Variants in GRID2 observed in about 807,000 individuals in gnomAD.
GRID2 encodes glutamate ionotropic receptor delta type subunit 2.
GRID2 carries 33 observed loss-of-function variants against 114.8 expected under a neutral mutation model. That is an observed-to-expected ratio of 0.29 (90% CI 0.22 to 0.38). GRID2 has a LOEUF of 0.38. Ranked by LOEUF, GRID2 falls within the 10% of genes least tolerant of loss-of-function variation. The pLI is 1.00. For missense variants in GRID2, 1,184 were observed against 1,257.7 expected, an observed-to-expected ratio of 0.94 and a Z score of 0.89; for synonymous variants, 505 against 449.9, an observed-to-expected ratio of 1.12 and a Z score of -1.55.
chr4:93,082,673 T>C (rs1011603463), intron 2 of GRID2, among the ~76,000 whole-genome samples: 3 of 152,212 alleles, frequency 2.0e-5, no homozygotes, highest in Admixed American at 6.5e-5. Context: ...ATTATATGCT[T>C]TCTGGCTGCA....
intron 8 of GRID2, 48 bp from the exon 9 acceptor site, chr4:93,395,559 G>A (rs1181928275): frequency 2.5e-6 from 2 of 815,776 alleles, no homozygotes; most frequent in Non-Finnish European, 4.4e-6. Context: ...AGAGGTGATG[G>A]GACTGTTCTT....
chr4:92,529,524 A>G (rs1725225813), intron 1 of GRID2, among the ~76,000 whole-genome samples: 1 of 152,108 alleles, frequency 6.6e-6, no homozygotes, highest in African/African-American at 2.4e-5. Context: ...AGGAATTATC[A>G]GGTACAAAGA....
At chr4:93,090,320 G>A (rs923084652) in intron 3 of GRID2, among the ~76,000 whole-genome samples, 9 of 152,144 alleles carry the variant, frequency 5.9e-5, no homozygotes, top group African/African-American at 2.2e-4. Context: ...AAGCCAGGCG[G>A]CTCTCTCCTT....
At chr4:93,392,415 T>G (rs1315877083) in intron 8 of GRID2, among the ~76,000 whole-genome samples, 2 of 152,188 alleles carry the variant, frequency 1.3e-5, no homozygotes, top group Non-Finnish European at 2.9e-5. Flanking sequence ...ATGCCTGTCA[T>G]TCTTGCTATG....
intron 2 of GRID2, among the ~76,000 whole-genome samples, chr4:92,972,721 C>A (rs1051052893): frequency 6.6e-6 from 1 of 151,774 alleles, no homozygotes; most frequent in Non-Finnish European, 1.5e-5. Flanking sequence ...AAGCCTAGTA[C>A]CCACTGGTTA....
intron 1 of GRID2, among the ~76,000 whole-genome samples, chr4:92,415,755 TATATATATATATATATATATATATATCAC>T (rs1374193670): frequency 7.9e-6 from 1 of 125,832 alleles, no homozygotes; most frequent in East Asian, 2.4e-4. Context: ...TATATATATA[TATATATATATATATATATATATATATCAC>T]ATTTTCTTTA....
chr4:93,061,918 G>A (rs1057175043), intron 2 of GRID2, among the ~76,000 whole-genome samples: 1 of 151,884 alleles, frequency 6.6e-6, no homozygotes, highest in African/African-American at 2.4e-5. Context: ...TCACAAATAG[G>A]GCTTACTTAC....
intron 12 of GRID2, among the ~76,000 whole-genome samples, chr4:93,506,482 C>T (rs1355661231): frequency 1.3e-5 from 2 of 152,114 alleles, no homozygotes. Flanking sequence ...AATAGACACT[C>T]TAAAGGAGTT....
chr4:93,109,915 T>C (rs950239609), intron 3 of GRID2, among the ~76,000 whole-genome samples: 1 of 152,150 alleles, frequency 6.6e-6, no homozygotes, highest in African/African-American at 2.4e-5. Context: ...ATAAACTCTT[T>C]AGATTGAATT....
At chr4:93,397,289 A>C (rs1765422905) in intron 9 of GRID2, among the ~76,000 whole-genome samples, 1 of 152,018 alleles carries the variant, frequency 6.6e-6, no homozygotes, top group Non-Finnish European at 1.5e-5. Context: ...TTCACAACTT[A>C]AATGTGAATT....
intron 1 of GRID2, among the ~76,000 whole-genome samples, chr4:92,453,939 C>T (rs1283111213): frequency 2.0e-5 from 3 of 152,080 alleles, no homozygotes; most frequent in African/African-American, 7.2e-5. Flanking sequence ...GACAATATTA[C>T]AAAACTGAAT....
intron 1 of GRID2, among the ~76,000 whole-genome samples, chr4:92,325,016 A>G (rs1452789872): frequency 6.6e-6 from 1 of 151,922 alleles, no homozygotes; most frequent in Non-Finnish European, 1.5e-5. Flanking sequence ...TTCTGATTTC[A>G]GTCTTTGTGC....
In GRID2 at chr4:92,578,733, A is replaced by AATCAATCT. The variant is rs1553902724; in HGVS notation, c.89-11395_89-11394insAATCTATC. On this transcript the variant is annotated intron_variant, in intron 1 of 15. Transcript: ENST00000282020. ...AAATATCATTATCTATCTATCTATCAATCTATCTATCTATCTATCTATCTA... is the reference window on the plus strand; with the variant it reads ...AAATATCATTATCTATCTATCTATCAATCAATCTATCTATCTATCTATCTATCTATCTA... Among the ~76,000 whole-genome samples the AATCAATCT allele has an allele frequency of 3.1e-3, 465 of 149,444 alleles. 6 individuals are homozygous for AATCAATCT. Among genetic ancestry groups the AATCAATCT allele is most frequent in the African/African-American group, 0.01 (411 of 40,542 alleles).
At chr4:93,749,260 T>G (rs1350130919) in intron 14 of GRID2, among the ~76,000 whole-genome samples, 1 of 152,220 alleles carries the variant, frequency 6.6e-6, no homozygotes, top group Non-Finnish European at 1.5e-5. Flanking sequence ...CTCATTTCCT[T>G]TATGACACAA....
chr4:92,972,634 G>A (rs923991020), intron 2 of GRID2, among the ~76,000 whole-genome samples: 1 of 151,640 alleles, frequency 6.6e-6, no homozygotes, highest in South Asian at 2.1e-4. Context: ...AAGTTCAGGG[G>A]TGCAAGTTCA....
chr4:93,087,825 A>G (rs1027766857), intron 3 of GRID2, among the ~76,000 whole-genome samples: 2 of 152,184 alleles, frequency 1.3e-5, no homozygotes, highest in Admixed American at 1.3e-4. Context: ...GCATTGGACT[A>G]GAGTCCAAAA....
chr4:93,339,308 G>T (rs186305685), intron 8 of GRID2, among the ~76,000 whole-genome samples: 39 of 152,268 alleles, frequency 2.6e-4, no homozygotes, highest in South Asian at 1.2e-3. Flanking sequence ...TTAAAATGAG[G>T]TCACACTGGA....
intron 8 of GRID2, among the ~76,000 whole-genome samples, chr4:93,302,091 A>G (rs1398148752): frequency 2.6e-5 from 4 of 152,182 alleles, no homozygotes; most frequent in East Asian, 1.9e-4. Flanking sequence ...ACTTTCAAAG[A>G]AGAAAAAATA....
At chr4:93,319,870 C>T (rs1434838829) in intron 8 of GRID2, 2 of 152,046 alleles carry the variant, frequency 1.3e-5, no homozygotes, top group South Asian at 2.1e-4. Context: ...TCTTAGAATA[C>T]CAGATAAGAG....
Sources: gnomAD v4.1 joint callset for allele counts (sites outside exome capture counted in the v4.1 genomes callset) on GRCh38, gnomAD v4.1.1 for gene constraint, MANE v1.5 for transcripts, NCBI Gene and HGNC (gene_info 2026-07-23, HGNC 2026-07-21) for gene names.